The following ZYG11B variants were observed in gnomAD, a reference collection of about 807,000 sequenced individuals.
The protein encoded by ZYG11B is protein zyg-11 homolog B.
A neutral mutation model predicts 82.4 loss-of-function variants in ZYG11B; 36 were observed. That is an observed-to-expected ratio of 0.44 (90% CI 0.33 to 0.58). ZYG11B has a LOEUF of 0.58. ZYG11B is among the 20% of genes least tolerant of loss of function. ZYG11B has a pLI of 0.02. For missense variants in ZYG11B, 552 were observed against 895.6 expected (o/e 0.62, Z 4.90); for synonymous variants, 303 against 312.8 (o/e 0.97, Z 0.33).
intron 10 of ZYG11B, among the ~76,000 whole-genome samples, chr1:52,809,947 T>C (rs910031556): frequency 2.0e-5 from 3 of 152,246 alleles, no homozygotes; most frequent in Admixed American, 2.0e-4. Flanking sequence ...GCAAATGTTT[T>C]CTCCCATTCT....
chr1:52,743,402 T>TTA (rs1644450204), intron 1 of ZYG11B, among the ~76,000 whole-genome samples: 1 of 69,126 alleles, frequency 1.4e-5, no homozygotes. Flanking sequence ...CAATAAATAC[T>TTA]AAAAAAAAAA....
At chr1:52,803,671 G>A (rs755669758) in intron 10 of ZYG11B, among the ~76,000 whole-genome samples, 4 of 152,052 alleles carry the variant, frequency 2.6e-5, no homozygotes, top group Non-Finnish European at 4.4e-5. Context: ...GCACAATCAC[G>A]GCTCACTGCA....
rs1349286952 is a variant in ZYG11B at position 52,821,537 on chromosome 1, G to C, written c.2143G>C (p.Ala715Pro). Residue 715 changes from alanine to proline, a missense_variant, in exon 14 of 14, where the codon GCT (alanine) becomes CCT (proline). Physicochemically the swap from Ala to Pro is conservative, Grantham distance 27. Transcript: ENST00000294353. The stretch of plus-strand genomic sequence containing the variant: ...TACTGATCCCCATGTCCAACAGATT[G>C]CTGTGGCCATTCTGGATAGCTTAGA... ...EHTDPHVQQI[A>P]VAILDSLEKH... 1 of 1,613,998 alleles carries C rather than the reference G, an allele frequency of 6.2e-7. No homozygotes were observed. The highest frequency in any genetic ancestry group is 8.5e-7 in the Non-Finnish European group (1 of 1,180,000).
At chr1:52,730,425 C>T (rs371129173) in intron 1 of ZYG11B, among the ~76,000 whole-genome samples, 7 of 152,128 alleles carry the variant, frequency 4.6e-5, no homozygotes, top group Non-Finnish European at 4.4e-5. Context: ...CCCCTAGGCT[C>T]AAGCAGTCCT....
At chr1:52,765,190 C>CT (rs937226946) in intron 2 of ZYG11B, among the ~76,000 whole-genome samples, 31 of 150,514 alleles carry the variant, frequency 2.1e-4, no homozygotes, top group Admixed American at 1.3e-3. Flanking sequence ...TCCAGCCTAT[C>CT]TTTTTTTTTA....
At chr1:52,810,827 G>T (rs1161328700) in intron 10 of ZYG11B, among the ~76,000 whole-genome samples, 9 of 152,008 alleles carry the variant, frequency 5.9e-5, no homozygotes, top group Admixed American at 5.9e-4. Flanking sequence ...CTGAGGTCAG[G>T]AGTTCAAGAC....
intron 1 of ZYG11B, among the ~76,000 whole-genome samples, chr1:52,741,024 G>A (rs1248044625): frequency 6.6e-6 from 1 of 151,834 alleles, no homozygotes; most frequent in Non-Finnish European, 1.5e-5. Context: ...TTTGCTGGGC[G>A]GGGTGGCTCA....
At chr1:52,755,732 C>G (rs534463006) in intron 1 of ZYG11B, among the ~76,000 whole-genome samples, 1 of 148,422 alleles carries the variant, frequency 6.7e-6, no homozygotes, top group African/African-American at 2.5e-5. Flanking sequence ...CTCGAACTCC[C>G]GACCTCAGGT....
At chr1:52,730,782 C>T (rs1261056460) in intron 1 of ZYG11B, among the ~76,000 whole-genome samples, 1 of 150,822 alleles carries the variant, frequency 6.6e-6, no homozygotes, top group East Asian at 1.9e-4. Flanking sequence ...CAGTTCAAGG[C>T]TGCATTGAGT....
intron 10 of ZYG11B, among the ~76,000 whole-genome samples, chr1:52,803,171 CACATATATATATATATACACAT>C (rs1645101664): frequency 9.4e-5 from 5 of 53,374 alleles, no homozygotes; most frequent in East Asian, 3.5e-3. Context: ...TATATATACA[CACATATATATATATATACACAT>C]ATATATATAT....
intron 1 of ZYG11B, among the ~76,000 whole-genome samples, chr1:52,734,063 A>T (rs1240181505): frequency 6.6e-6 from 1 of 152,116 alleles, no homozygotes; most frequent in African/African-American, 2.4e-5. Context: ...CAGGGGCGTA[A>T]TCATAGCTCA....
chr1:52,759,538 A>T (rs1644609778), intron 2 of ZYG11B, among the ~76,000 whole-genome samples: 1 of 152,240 alleles, frequency 6.6e-6, no homozygotes, highest in African/African-American at 2.4e-5. Context: ...GACTGCCTTC[A>T]GATGAGGAAA....
chr1:52,738,961 T>C (rs1434498511), intron 1 of ZYG11B, among the ~76,000 whole-genome samples: 2 of 148,272 alleles, frequency 1.3e-5, no homozygotes, highest in Non-Finnish European at 3.0e-5. Context: ...ACATTTATAA[T>C]TTTCATTTCA....
intron 6 of ZYG11B, among the ~76,000 whole-genome samples, chr1:52,795,233 G>A (rs1015895756): frequency 2.4e-4 from 36 of 152,098 alleles, no homozygotes; most frequent in African/African-American, 8.2e-4. Flanking sequence ...TCGTTTAAAA[G>A]TGTGTAGCAC....
chr1:52,826,538 C>A lies in ZYG11B; in HGVS notation c.*4909C>A, dbSNP rs1271663928. On this transcript the variant is annotated 3_prime_UTR_variant, in exon 14 of 14. Transcript: ENST00000294353. ...AGACTTTGCATGATATGGTACACTC[C>A]TAATTATGCATTCTTTGGTTTCCAA... The A allele has an allele frequency of 6.6e-6, 1 of 152,194 alleles. No homozygotes were observed. Among genetic ancestry groups the A allele is most frequent in the African/African-American group, 2.4e-5 (1 of 41,448 alleles). 9.4% of individuals were successfully genotyped at this position (152,194 alleles called of 1,614,324 possible).
At chr1:52,772,650 A>G in intron 3 of ZYG11B, 1 of 858,628 alleles carries the variant, frequency 1.2e-6, no homozygotes, top group Non-Finnish European at 2.0e-6. Flanking sequence ...ACGACCCATG[A>G]TGGCGGCGAT....
chr1:52,733,507 C>G (rs1193919685), intron 1 of ZYG11B, among the ~76,000 whole-genome samples: 1 of 152,046 alleles, frequency 6.6e-6, no homozygotes, highest in East Asian at 1.9e-4. Flanking sequence ...GACCCTATCT[C>G]TACACAGAAT....
chr1:52,765,049 G>T (rs940189926), intron 2 of ZYG11B, among the ~76,000 whole-genome samples: 3 of 151,252 alleles, frequency 2.0e-5, no homozygotes, highest in Non-Finnish European at 2.9e-5. Flanking sequence ...TTTTCTGAGT[G>T]ATCTTTTTTT....
intron 3 of ZYG11B, among the ~76,000 whole-genome samples, chr1:52,776,229 A>AAATATATATATATATATATATAT: frequency 1.3e-4 from 3 of 23,540 alleles, no homozygotes; most frequent in Non-Finnish European, 3.5e-4. Context: ...TAAAAAAAAA[A>AAATATATATATATATATATATAT]ATATATATAT....
Sources: allele counts gnomAD v4.1 joint callset (sites outside exome capture counted in the v4.1 genomes callset), GRCh38; gene constraint gnomAD v4.1.1; transcripts MANE v1.5; gene names NCBI Gene and HGNC (gene_info 2026-07-23, HGNC 2026-07-21).